The following CBLB variants were observed in gnomAD, a reference collection of about 807,000 sequenced individuals.
The protein encoded by CBLB is E3 ubiquitin-protein ligase CBL-B.
CBLB carries 31 observed loss-of-function variants against 104.9 expected under a neutral mutation model. That is an observed-to-expected ratio of 0.30 (90% CI 0.22 to 0.40). CBLB has a LOEUF of 0.40. CBLB is among the 10% of genes least tolerant of loss of function. The pLI is 1.00. For synonymous variants in CBLB, 440 were observed against 422.6 expected, an observed-to-expected ratio of 1.04 and a Z score of -0.51; for missense variants, 1,062 against 1,214.6, an observed-to-expected ratio of 0.87 and a Z score of 1.87.
At chr3:105,670,449 C>T (rs899375558) in intron 17 of CBLB, 97 bp from the exon 18 acceptor site, 1 of 983,270 alleles carries the variant, frequency 1.0e-6, no homozygotes, top group African/African-American at 1.6e-5. Context: ...TTATGGCTTT[C>T]AAAAATAAAT....
At chr3:105,677,296 A>G (rs75709303) in intron 17 of CBLB, among the ~76,000 whole-genome samples, 1,920 of 151,968 alleles carry the variant, frequency 0.013, 27 homozygotes, top group Non-Finnish European at 0.02. Flanking sequence ...TTGTACGTCC[A>G]TAACTTGTGT....
At chr3:105,771,903 A>G (rs1577056346) in intron 4 of CBLB, among the ~76,000 whole-genome samples, 5 of 152,226 alleles carry the variant, frequency 3.3e-5, no homozygotes, top group Admixed American at 3.3e-4. Context: ...CAACAAATGG[A>G]AACACATCAC....
intron 4 of CBLB, among the ~76,000 whole-genome samples, chr3:105,755,972 CT>C (rs1353214022): frequency 6.6e-6 from 1 of 152,050 alleles, no homozygotes; most frequent in African/African-American, 2.4e-5. Context: ...AAATTTTGTC[CT>C]TTATGATCCA....
chr3:105,684,463 C>T lies in CBLB; in HGVS notation c.2201+857G>A, dbSNP rs546260674. Among the ~76,000 whole-genome samples the T allele has an allele frequency of 3.2e-4, 48 of 152,218 alleles. 1 individual carries two copies. Among genetic ancestry groups the T allele is most frequent in the Middle Eastern group, 3.4e-3 (1 of 290 alleles). ...CATTATTAATAACTCTTATTTACCT[C>T]GATGGAGCTTCCAAGTCAAAGACCA... On this transcript the variant is annotated intron_variant, in intron 14 of 18. Coordinates refer to ENST00000394030, the MANE Select transcript of CBLB (RefSeq NM_170662.5).
At position 105,658,893 on chromosome 3, in the gene CBLB, C is replaced by A; in HGVS notation, c.*77G>T. The A allele has an allele frequency of 6.7e-7, 1 of 1,502,342 alleles. No homozygotes were observed. The highest frequency in any genetic ancestry group is 9.2e-7 in the Non-Finnish European group (1 of 1,083,092). 93.1% of individuals were successfully genotyped at this position (1,502,342 alleles called of 1,614,324 possible). A position where few individuals can be genotyped will look rare whatever the true frequency, so the allele number is the denominator to read the frequency against. On this transcript the variant is annotated 3_prime_UTR_variant, in exon 19 of 19. Coordinates refer to ENST00000394030, the MANE Select transcript of CBLB (RefSeq NM_170662.5). ...GGAGGAGACACTTCTCTCTTGAATT[C>A]CATCTCAGTTCTCTTTATTTCCACA...
At chr3:105,846,548 G>A (rs538350223) in intron 3 of CBLB, among the ~76,000 whole-genome samples, 2 of 152,176 alleles carry the variant, frequency 1.3e-5, no homozygotes, top group Admixed American at 1.3e-4. Context: ...TTTCATTTGT[G>A]ACATTGAAAT....
At chr3:105,735,079 T>C (rs2074757647) in intron 8 of CBLB, among the ~76,000 whole-genome samples, 1 of 152,230 alleles carries the variant, frequency 6.6e-6, no homozygotes, top group Non-Finnish European at 1.5e-5. Flanking sequence ...GTTCAGTAAG[T>C]GACTACAATG....
intron 2 of CBLB, among the ~76,000 whole-genome samples, chr3:105,862,044 A>T (rs1294989345): frequency 6.6e-6 from 1 of 152,036 alleles, no homozygotes; most frequent in Non-Finnish European, 1.5e-5. Context: ...CTTTCTCATC[A>T]CTAATCTATG....
At chr3:105,859,875 T>C (rs1358938322) in intron 2 of CBLB, among the ~76,000 whole-genome samples, 1 of 152,092 alleles carries the variant, frequency 6.6e-6, no homozygotes, top group East Asian at 1.9e-4. Context: ...AAATGTACAG[T>C]GTAAAAAAGT....
chr3:105,757,595 G>T lies in CBLB; in HGVS notation c.567-5977C>A, dbSNP rs955529914. Among the ~76,000 whole-genome samples the T allele has an allele frequency of 3.9e-5, 6 of 152,216 alleles. No homozygotes were observed. In the South Asian group the frequency reaches 1.2e-3, roughly 32 times the overall value. On this transcript the variant is annotated intron_variant, in intron 4 of 18. Transcript: ENST00000394030. ...ATTTCTCACTCTATATGTATGATTT[G>T]TGTACTTTTCCCCATGTACATTAAA...
At chr3:105,857,727 T>G (rs2091749300) in intron 2 of CBLB, among the ~76,000 whole-genome samples, 1 of 152,222 alleles carries the variant, frequency 6.6e-6, no homozygotes, top group Non-Finnish European at 1.5e-5. Context: ...CATTTGTTAA[T>G]TCAACAAACA....
chr3:105,856,139 C>A (rs991497927), intron 2 of CBLB, among the ~76,000 whole-genome samples: 7 of 152,110 alleles, frequency 4.6e-5, no homozygotes, highest in African/African-American at 1.4e-4. Flanking sequence ...ATCATGAGGT[C>A]AGGAGTTCGA....
At chr3:105,814,402 A>G (rs1209993479) in intron 3 of CBLB, among the ~76,000 whole-genome samples, 1 of 152,206 alleles carries the variant, frequency 6.6e-6, no homozygotes, top group African/African-American at 2.4e-5. Flanking sequence ...TCTGTAACAA[A>G]CCTGAACTCA....
At chr3:105,663,608 G>A (rs1317600158) in intron 18 of CBLB, among the ~76,000 whole-genome samples, 8 of 152,082 alleles carry the variant, frequency 5.3e-5, no homozygotes, top group Non-Finnish European at 1.2e-4. Flanking sequence ...ATAGTGAGTT[G>A]ATCACGACCC....
At chr3:105,705,528 C>G (rs1576482108) in intron 10 of CBLB, among the ~76,000 whole-genome samples, 1 of 152,156 alleles carries the variant, frequency 6.6e-6, no homozygotes, top group Non-Finnish European at 1.5e-5. Context: ...AGAGATTATA[C>G]AGAATGTTTC....
intron 11 of CBLB, 27 bp from the exon 12 acceptor site, chr3:105,702,486 A>AAAC (rs1553727055): frequency 6.8e-7 from 1 of 1,471,220 alleles, no homozygotes; most frequent in Non-Finnish European, 9.0e-7. Context: ...GAAAAAAAAA[A>AAAC]AAAAAAAAAA....
rs146113669 is a variant in CBLB at position 105,696,374 on chromosome 3, C to T, written c.1960-2786G>A. On this transcript the variant is annotated intron_variant, in intron 12 of 18. Coordinates refer to ENST00000394030, the MANE Select transcript of CBLB (RefSeq NM_170662.5). ...ATTCTGAATTTCATGTTCTCACCTGCAACCATTTCTTTACACCCAAAAATC... is the reference window on the plus strand; with the variant it reads ...ATTCTGAATTTCATGTTCTCACCTGTAACCATTTCTTTACACCCAAAAATC... Among the ~76,000 whole-genome samples, 83 of 151,938 alleles carry T rather than the reference C, an allele frequency of 5.5e-4. 1 individual carries two copies. Among genetic ancestry groups the T allele is most frequent in the South Asian group, 1.5e-3 (7 of 4,822 alleles).
chr3:105,835,964 T>C (rs1040121692), intron 3 of CBLB, among the ~76,000 whole-genome samples: 1 of 152,192 alleles, frequency 6.6e-6, no homozygotes, highest in Admixed American at 6.5e-5. Context: ...AAATAAAGAA[T>C]AGTTACATAA....
At chr3:105,757,983 G>A (rs974429584) in intron 4 of CBLB, among the ~76,000 whole-genome samples, 1 of 152,158 alleles carries the variant, frequency 6.6e-6, no homozygotes, top group African/African-American at 2.4e-5. Context: ...GAAGATAATA[G>A]GATATTTGTA....
Sources: allele counts gnomAD v4.1 joint callset (sites outside exome capture counted in the v4.1 genomes callset), GRCh38; gene constraint gnomAD v4.1.1; transcripts MANE v1.5; gene names NCBI Gene and HGNC (gene_info 2026-07-23, HGNC 2026-07-21).